Variants in FGF2 observed in about 807,000 individuals in gnomAD.
FGF2 encodes basic fibroblast growth factor bFGF.
FGF2 carries 13 observed loss-of-function variants against 15.9 expected under a neutral mutation model. The ratio of observed to expected loss-of-function variants is 0.82; its 90% CI spans 0.53 to 1.30. The LOEUF is 1.30. Ranked by LOEUF, FGF2 falls within the 50% of genes most tolerant of loss-of-function variation. The probability of loss-of-function intolerance (pLI) is 0.00; values close to 1 mark genes in which losing one functional copy is unlikely to be tolerated. For synonymous variants in FGF2, 90 were observed against 78.4 expected, an observed-to-expected ratio of 1.15 and a Z score of -0.78; for missense variants, 163 against 196.9, an observed-to-expected ratio of 0.83 and a Z score of 1.03.
At chr4:122,887,784 A>G (rs1407899026) in intron 2 of FGF2, among the ~76,000 whole-genome samples, 1 of 152,206 alleles carries the variant, frequency 6.6e-6, no homozygotes, top group Admixed American at 6.5e-5. Flanking sequence ...GTGTTGCCCC[A>G]TCACTAACAC....
At chr4:122,886,150 G>A (rs1387782963) in intron 2 of FGF2, among the ~76,000 whole-genome samples, 2 of 151,836 alleles carry the variant, frequency 1.3e-5, no homozygotes, top group South Asian at 2.1e-4. Flanking sequence ...CGAACTCCTG[G>A]GCTCAAGAAT....
rs1287528565 is a variant in FGF2, at chr4:122,898,072, A to C, written c.*5676A>C. ...ATAAGTAGAAAATATAAATTTCATCACTAAAATATGCTATTTTAAAATCTA... is the reference window on the plus strand; with the variant it reads ...ATAAGTAGAAAATATAAATTTCATCCCTAAAATATGCTATTTTAAAATCTA... On this transcript the variant is annotated 3_prime_UTR_variant, in exon 3 of 3. Transcript: ENST00000644866. The C allele has an allele frequency of 6.0e-6, 1 of 165,982 alleles. No homozygotes were observed. Among genetic ancestry groups the C allele is most frequent in the Non-Finnish European group, 1.3e-5 (1 of 77,002 alleles). 10.3% of individuals were successfully genotyped at this position (165,982 alleles called of 1,614,324 possible). A position where few individuals can be genotyped will look rare whatever the true frequency, so the allele number is the denominator to read the frequency against.
chr4:122,842,097 C>G (rs1277765705), intron 1 of FGF2, among the ~76,000 whole-genome samples: 1 of 152,160 alleles, frequency 6.6e-6, no homozygotes, highest in East Asian at 1.9e-4. Flanking sequence ...TAGAAGAAGC[C>G]TAATGCCCAC....
rs561573386 is a variant in FGF2, at chr4:122,848,985, C to T, written c.178+21633C>T. ...CCAGGAGCAGAGAGTGTTCTTTGTA[C>T]TGTGGATCTCCCTTACTTGCTTCCT... is the stretch of plus-strand genomic sequence containing the variant. On this transcript the variant is annotated intron_variant, in intron 1 of 2. Coordinates refer to ENST00000644866, the MANE Select transcript of FGF2 (RefSeq NM_001361665.2). 3.5e-4 allele frequency among the ~76,000 whole-genome samples: 54 copies of T among 152,164 alleles called. 1 individual carries two copies. The highest frequency in any genetic ancestry group is 7.9e-4 in the Admixed American group (12 of 15,282).
At chr4:122,846,087 C>A (rs1206976350) in intron 1 of FGF2, among the ~76,000 whole-genome samples, 2 of 152,136 alleles carry the variant, frequency 1.3e-5, no homozygotes, top group African/African-American at 2.4e-5. Context: ...ATTGTTGTGT[C>A]TTAGGGAACA....
At chr4:122,856,075 G>GA (rs1349815892) in intron 1 of FGF2, among the ~76,000 whole-genome samples, 4 of 151,274 alleles carry the variant, frequency 2.6e-5, no homozygotes, top group Non-Finnish European at 3.0e-5. Context: ...TAAGCCATCA[G>GA]AAAAAAAAAT....
At chr4:122,877,942 C>T (rs1344109553) in intron 2 of FGF2, among the ~76,000 whole-genome samples, 1 of 152,082 alleles carries the variant, frequency 6.6e-6, no homozygotes, top group East Asian at 1.9e-4. Flanking sequence ...CAGGATAAAT[C>T]ACAAGTTTGA....
At position 122,827,222 on chromosome 4, in the gene FGF2, C is replaced by A. The variant is rs767667670; in HGVS notation, c.48C>A (p.Gly16=). The change falls in exon 1 of 3, where the codon GGC becomes GGA. Residue 16 remains glycine (G), a synonymous_variant. Transcript: ENST00000644866. This position sits in a 1 kb window ranked among gnomAD's most constrained non-coding sequence, Gnocchi z 4.2. ...CGCTGCCCGCCTTGCCCGAGGATGGCGGCAGCGGCGCCTTCCCGCCCGGCC... is the reference window on the plus strand; with the variant it reads ...CGCTGCCCGCCTTGCCCGAGGATGGAGGCAGCGGCGCCTTCCCGCCCGGCC... ...ITTLPALPED[G]GSGAFPPGHF... The A allele has an allele frequency of 6.2e-7, 1 of 1,610,576 alleles. No homozygotes were observed. The highest frequency in any genetic ancestry group is 8.5e-7 in the Non-Finnish European group (1 of 1,179,190).
intron 2 of FGF2, among the ~76,000 whole-genome samples, chr4:122,879,461 C>T (rs1021770307): frequency 4.6e-5 from 7 of 152,188 alleles, no homozygotes; most frequent in Non-Finnish European, 1.0e-4. Context: ...TAACTATGGA[C>T]AGCACTAATA....
chr4:122,844,901 T>C (rs573781228), intron 1 of FGF2, among the ~76,000 whole-genome samples: 4 of 152,308 alleles, frequency 2.6e-5, no homozygotes, highest in African/African-American at 9.6e-5. Context: ...CTTCCCAAAA[T>C]TTTGGAATTA....
At chr4:122,835,399 G>T (rs982423669) in intron 1 of FGF2, among the ~76,000 whole-genome samples, 29 of 150,688 alleles carry the variant, frequency 1.9e-4, no homozygotes, top group Non-Finnish European at 8.8e-5. Flanking sequence ...TCTTCTTTCT[G>T]TGTACTTGTA....
intron 1 of FGF2, among the ~76,000 whole-genome samples, chr4:122,854,158 G>T (rs1328528377): frequency 6.6e-6 from 1 of 152,100 alleles, no homozygotes; most frequent in African/African-American, 2.4e-5. Flanking sequence ...TTTTTTAAAA[G>T]GACATTAAAA....
chr4:122,896,099 G>C lies in FGF2; in HGVS notation c.*3703G>C, dbSNP rs62323463. 6.6e-6 allele frequency: 1 copy of C among 152,438 alleles called. No homozygotes were observed. The highest frequency in any genetic ancestry group is 1.5e-5 in the Non-Finnish European group (1 of 68,016). The allele number at this position is 152,438 out of a possible 1,614,324, so 9.4% of individuals were successfully genotyped here. On this transcript the variant is annotated 3_prime_UTR_variant, in exon 3 of 3. Transcript: ENST00000644866. ...CTTAGGAAGTATGGCTAATGCCAACGGCAGTTTTTTTCTTCTTAATTCCAC... is the reference window on the plus strand; with the variant it reads ...CTTAGGAAGTATGGCTAATGCCAACCGCAGTTTTTTTCTTCTTAATTCCAC...
At chr4:122,860,993 GT>G (rs1726451847) in intron 1 of FGF2, among the ~76,000 whole-genome samples, 1 of 152,166 alleles carries the variant, frequency 6.6e-6, no homozygotes, top group Admixed American at 6.5e-5. Flanking sequence ...CAAGTATTGT[GT>G]GTGTGTAGGT....
Position 122,827,439 on chromosome 4 carries a change from G to A in FGF2, c.178+87G>A. The A allele has an allele frequency of 2.1e-6, 3 of 1,453,116 alleles. No individual in the cohort carries two copies. The highest frequency in any genetic ancestry group is 2.9e-6 in the Non-Finnish European group (3 of 1,045,100). 90.0% of individuals were successfully genotyped at this position (1,453,116 alleles called of 1,614,324 possible). A position where few individuals can be genotyped will look rare whatever the true frequency, so the allele number is the denominator to read the frequency against. Reference sequence around the variant, plus strand: ...CCCTCCAGCCTGCACCCTCCTCCCGGATCTTCACTGCGACCCTAGCGCTCC... The same window carrying A: ...CCCTCCAGCCTGCACCCTCCTCCCGAATCTTCACTGCGACCCTAGCGCTCC... On this transcript the variant is annotated intron_variant, in intron 1 of 2. Coordinates refer to ENST00000644866, the MANE Select transcript of FGF2 (RefSeq NM_001361665.2). This position sits in a 1 kb window ranked among gnomAD's most constrained non-coding sequence, Gnocchi z 4.2.
In FGF2 at chr4:122,827,112, G is replaced by C. The variant is rs1725655035; in HGVS notation, c.-63G>C. On this transcript the variant is annotated 5_prime_UTR_variant, in exon 1 of 3. Transcript: ENST00000644866. The surrounding 1 kb of genome is among the most constrained non-coding windows in gnomAD (Gnocchi z 4.2). ...GGTCGGAGGCCGGGGCCGGGGCCGG[G>C]GGACGGCGGCTCCCCGCGCGGCTCC... 7.9e-7 allele frequency: 1 copy of C among 1,263,064 alleles called. No individual in the cohort carries two copies. Among genetic ancestry groups the C allele is most frequent in the East Asian group, 3.3e-5 (1 of 30,558 alleles). The allele number at this position is 1,263,064 out of a possible 1,614,324, so 78.2% of individuals were successfully genotyped here. A position where few individuals can be genotyped will look rare whatever the true frequency, so the allele number is the denominator to read the frequency against.
intron 1 of FGF2, among the ~76,000 whole-genome samples, chr4:122,832,520 T>C (rs2150761416): frequency 6.6e-6 from 1 of 152,358 alleles, no homozygotes; most frequent in Non-Finnish European, 1.5e-5. Context: ...GTGCTGTGAT[T>C]ACAGGCGTGA....
intron 1 of FGF2, among the ~76,000 whole-genome samples, chr4:122,833,064 A>G (rs1437018320): frequency 6.6e-6 from 1 of 152,192 alleles, no homozygotes; most frequent in Non-Finnish European, 1.5e-5. Flanking sequence ...CAGACAGCCA[A>G]TATTCAGTGT....
chr4:122,876,406 T>C lies in FGF2; in HGVS notation c.264T>C (p.Asp88=). Residue 88 remains aspartate, a synonymous_variant, in exon 2 of 3, where the codon GAT becomes GAC. Transcript: ENST00000644866. ...ACCGTTACCTGGCTATGAAGGAAGA[T>C]GGAAGATTACTGGCTTCTGTAAGCA... The part of the protein sequence containing the change: ...CANRYLAMKE[D]GRLLASKCVT... The C allele has an allele frequency of 1.2e-6, 2 of 1,608,498 alleles. No individual in the cohort carries two copies. The highest frequency in any genetic ancestry group is 1.3e-5 in the African/African-American group (1 of 74,892).
Sources: allele counts gnomAD v4.1 joint callset (sites outside exome capture counted in the v4.1 genomes callset), GRCh38; gene constraint gnomAD v4.1.1; non-coding constraint Gnocchi (gnomAD v3.1); transcripts MANE v1.5; gene names NCBI Gene and HGNC (gene_info 2026-07-23, HGNC 2026-07-21).